The following MTHFD1L variants were observed in gnomAD, a reference collection of about 807,000 sequenced individuals.
The protein encoded by MTHFD1L is monofunctional C1-tetrahydrofolate synthase, mitochondrial.
A neutral mutation model predicts 119.5 loss-of-function variants in MTHFD1L; 81 were observed. The ratio of observed to expected loss-of-function variants is 0.68; its 90% CI spans 0.57 to 0.82. The LOEUF is 0.82. Ranked by LOEUF, MTHFD1L falls within the 40% of genes least tolerant of loss-of-function variation. The pLI, the probability that MTHFD1L is intolerant of heterozygous loss-of-function variation, is 0.00. For synonymous variants in MTHFD1L, 430 were observed against 475.2 expected (o/e 0.90, Z 1.24); for missense variants, 1,125 against 1,253.4 (o/e 0.90, Z 1.55).
At chr6:151,097,631 G>C (rs951324398) in intron 27 of MTHFD1L, among the ~76,000 whole-genome samples, 1 of 152,168 alleles carries the variant, frequency 6.6e-6, no homozygotes, top group East Asian at 1.9e-4. Context: ...AGAAAGGTTG[G>C]TTATGGGTAC....
chr6:150,989,032 G>A (rs1271467736), intron 20 of MTHFD1L, among the ~76,000 whole-genome samples: 5 of 152,196 alleles, frequency 3.3e-5, no homozygotes, highest in South Asian at 2.1e-4. Context: ...GAGCCACCAC[G>A]CCTGGCCTAT....
intron 19 of MTHFD1L, among the ~76,000 whole-genome samples, chr6:150,966,895 G>T (rs1199720042): frequency 6.6e-6 from 1 of 152,170 alleles, no homozygotes; most frequent in Non-Finnish European, 1.5e-5. Context: ...CAGACTGCAG[G>T]TGTCCCCTGA....
At chr6:150,987,516 A>G (rs1249770322) in intron 20 of MTHFD1L, among the ~76,000 whole-genome samples, 1 of 152,248 alleles carries the variant, frequency 6.6e-6, no homozygotes. Flanking sequence ...TGCTCAAACA[A>G]CACCATGAGT....
At chr6:151,067,409 G>C (rs117103445) in intron 26 of MTHFD1L, among the ~76,000 whole-genome samples, 14,240 of 151,466 alleles carry the variant, frequency 0.094, 848 homozygotes, top group South Asian at 0.19. Context: ...CTGCAGCTTC[G>C]ACCTCCTACG....
intron 11 of MTHFD1L, among the ~76,000 whole-genome samples, chr6:150,930,592 T>C (rs1244703959): frequency 2.0e-5 from 3 of 152,080 alleles, no homozygotes; most frequent in African/African-American, 7.2e-5. Context: ...ATTGAGATCA[T>C]GCTATAAATA....
intron 14 of MTHFD1L, among the ~76,000 whole-genome samples, chr6:150,945,066 C>T (rs1793710149): frequency 6.6e-6 from 1 of 152,226 alleles, no homozygotes; most frequent in Non-Finnish European, 1.5e-5. Context: ...GGGGACAGCC[C>T]ACCAGAAGCT....
At chr6:151,059,279 C>T (rs1324035639) in intron 26 of MTHFD1L, among the ~76,000 whole-genome samples, 1 of 152,112 alleles carries the variant, frequency 6.6e-6, no homozygotes, top group African/African-American at 2.4e-5. Flanking sequence ...GGCATGATCT[C>T]GGCTCACTGC....
At chr6:150,872,448 G>A (rs114281149) in intron 1 of MTHFD1L, among the ~76,000 whole-genome samples, 5,831 of 152,152 alleles carry the variant, frequency 0.038, 142 homozygotes, top group African/African-American at 0.063. Context: ...GTTTCTCAGG[G>A]AATAGGGAAG....
At chr6:151,074,717 A>G (rs142000228) in intron 26 of MTHFD1L, among the ~76,000 whole-genome samples, 28 of 152,344 alleles carry the variant, frequency 1.8e-4, no homozygotes, top group African/African-American at 6.7e-4. Context: ...ATGTATAAAT[A>G]CTTACCATTC....
At chr6:150,870,890 C>T (rs1583287865) in intron 1 of MTHFD1L, among the ~76,000 whole-genome samples, 1 of 149,378 alleles carries the variant, frequency 6.7e-6, no homozygotes, top group Non-Finnish European at 1.5e-5. Flanking sequence ...ACACTCCAGC[C>T]TGGGAAACAG....
intron 18 of MTHFD1L, among the ~76,000 whole-genome samples, chr6:150,963,697 T>C (rs1227347677): frequency 1.3e-5 from 2 of 152,248 alleles, no homozygotes. Context: ...CATGGCATAC[T>C]GTGGTAAAAT....
intron 24 of MTHFD1L, among the ~76,000 whole-genome samples, chr6:151,020,374 TC>T (rs913122527): frequency 1.3e-5 from 2 of 152,188 alleles, no homozygotes; most frequent in Admixed American, 6.5e-5. Flanking sequence ...GTGCTGGACT[TC>T]CTAATGGCGA....
At chr6:151,081,388 C>G (rs1034368734) in intron 26 of MTHFD1L, among the ~76,000 whole-genome samples, 3 of 151,816 alleles carry the variant, frequency 2.0e-5, no homozygotes, top group Non-Finnish European at 4.4e-5. Flanking sequence ...CGCAGTGGCT[C>G]ACACCTGTAA....
intron 27 of MTHFD1L, among the ~76,000 whole-genome samples, chr6:151,098,480 T>C (rs920754724): frequency 1.4e-4 from 22 of 152,188 alleles, no homozygotes; most frequent in African/African-American, 4.3e-4. Context: ...GCTGTGTGCC[T>C]TCTTCCTTTC....
chr6:150,898,072 G>C (rs1316545438), intron 7 of MTHFD1L, among the ~76,000 whole-genome samples: 4 of 152,118 alleles, frequency 2.6e-5, no homozygotes, highest in Non-Finnish European at 1.5e-5. Flanking sequence ...TCGAACTCCT[G>C]ACCTCAGGTG....
chr6:150,940,515 G>A (rs1260834957), intron 13 of MTHFD1L, among the ~76,000 whole-genome samples: 1 of 152,186 alleles, frequency 6.6e-6, no homozygotes, highest in Non-Finnish European at 1.5e-5. Flanking sequence ...AAATTGGAAG[G>A]ACATTGGTGT....
intron 26 of MTHFD1L, among the ~76,000 whole-genome samples, chr6:151,090,715 G>T (rs571302644): frequency 1.3e-5 from 2 of 152,254 alleles, no homozygotes; most frequent in Non-Finnish European, 2.9e-5. Context: ...CTGGCACATC[G>T]CAGCCTCATC....
At chr6:151,038,417 G>C (rs1041292497) in intron 26 of MTHFD1L, among the ~76,000 whole-genome samples, 4 of 152,066 alleles carry the variant, frequency 2.6e-5, no homozygotes, top group African/African-American at 7.2e-5. Flanking sequence ...GATGAGGGGG[G>C]GTGGCTGGGG....
intron 17 of MTHFD1L, chr6:150,959,330 G>C (rs1426976441): frequency 2.5e-5 from 10 of 406,588 alleles, no homozygotes; most frequent in Non-Finnish European, 3.3e-5. Flanking sequence ...GCTTGAACTT[G>C]TCTGGCTCAC....
Sources: gnomAD v4.1 joint callset for allele counts (sites outside exome capture counted in the v4.1 genomes callset) on GRCh38, gnomAD v4.1.1 for gene constraint, MANE v1.5 for transcripts, NCBI Gene and HGNC (gene_info 2026-07-23, HGNC 2026-07-21) for gene names.